Variants in INPP5B observed in about 807,000 individuals in gnomAD.
INPP5B encodes type II inositol 1,4,5-trisphosphate 5-phosphatase.
In INPP5B, 90 loss-of-function variants were observed where a neutral mutation model predicts 118.5. That is an observed-to-expected ratio of 0.76 (90% CI 0.64 to 0.90). The LOEUF (loss-of-function observed/expected upper bound fraction) is 0.90. INPP5B is among the 40% of genes least tolerant of loss of function. The pLI, the probability that INPP5B is intolerant of heterozygous loss-of-function variation, is 0.00. For missense variants in INPP5B, 984 were observed against 1,125.6 expected, an observed-to-expected ratio of 0.87 and a Z score of 1.80; for synonymous variants, 385 against 418.9, an observed-to-expected ratio of 0.92 and a Z score of 0.99.
chr1:37,901,671 C>T (rs1396293185), intron 7 of INPP5B, among the ~76,000 whole-genome samples: 5 of 152,176 alleles, frequency 3.3e-5, no homozygotes, highest in African/African-American at 1.2e-4. Flanking sequence ...TCACTCATTA[C>T]ACTACCTATG....
Position 37,873,011 on chromosome 1 carries a change from G to A in INPP5B, c.2106C>T (p.Ser702=), listed in dbSNP as rs1642557364. ...FLSVSGNYLP[S]CFGSPIHTLC... Reference sequence around the variant, plus strand: ...GTGTATGAATGGGAGACCCAAAACAGCTGGGCAGGTAGTTCCCAGACACAG... The same window carrying A: ...GTGTATGAATGGGAGACCCAAAACAACTGGGCAGGTAGTTCCCAGACACAG... The change falls in exon 19 of 24, where the codon AGC becomes AGT. Residue 702 remains serine, a synonymous_variant. Coordinates refer to ENST00000373024, the MANE Select transcript of INPP5B (RefSeq NM_005540.3). 6.2e-7 allele frequency: 1 copy of A among 1,614,142 alleles called. No individual in the cohort carries two copies. Among genetic ancestry groups the A allele is most frequent in the Non-Finnish European group, 8.5e-7 (1 of 1,180,018 alleles).
chr1:37,924,999 C>A (rs1645178196), intron 7 of INPP5B, among the ~76,000 whole-genome samples: 1 of 152,132 alleles, frequency 6.6e-6, no homozygotes, highest in African/African-American at 2.4e-5. Context: ...CATGTTGAAA[C>A]CCCGTCTTTA....
intron 6 of INPP5B, among the ~76,000 whole-genome samples, chr1:37,935,992 C>T (rs1446331049): frequency 3.3e-5 from 5 of 151,748 alleles, no homozygotes; most frequent in Admixed American, 6.6e-5. Flanking sequence ...CATGAACCTG[C>T]GAGGTGGAGC....
intron 22 of INPP5B, among the ~76,000 whole-genome samples, chr1:37,865,167 A>G (rs1398348472): frequency 6.6e-6 from 1 of 151,830 alleles, no homozygotes; most frequent in Non-Finnish European, 1.5e-5. Flanking sequence ...TGGGTGACAC[A>G]GCAAGACTCC....
Position 37,866,520 on chromosome 1 carries a change from G to A in INPP5B, c.2325C>T (p.Gly775=). The change falls in exon 21 of 24, where the codon GGC becomes GGT. Residue 775 remains glycine, a synonymous_variant. Coordinates refer to ENST00000373024, the MANE Select transcript of INPP5B (RefSeq NM_005540.3). ...TGATATGTTCAAATTCTGACCTCAG[G>A]CCTGGTTGCTGAAACAGATCTTCCT... ...VQQEDLFQQP[G]LRSEFEHIRD... is the part of the protein sequence containing the mutation. 6.2e-7 allele frequency: 1 copy of A among 1,608,884 alleles called. No individual in the cohort carries two copies. Among genetic ancestry groups the A allele is most frequent in the Non-Finnish European group, 8.5e-7 (1 of 1,175,512 alleles).
intron 16 of INPP5B, among the ~76,000 whole-genome samples, chr1:37,876,527 G>A (rs1318049028): frequency 7.9e-6 from 1 of 126,824 alleles, no homozygotes; most frequent in African/African-American, 3.0e-5. Context: ...ACCAGTCTGG[G>A]CAAGACAGCA....
chr1:37,895,150 A>T (rs1309472291), intron 7 of INPP5B, among the ~76,000 whole-genome samples: 9 of 152,208 alleles, frequency 5.9e-5, no homozygotes, highest in East Asian at 5.8e-4. Context: ...ACTGAAATTT[A>T]AAAAAAAGAA....
intron 7 of INPP5B, among the ~76,000 whole-genome samples, chr1:37,919,513 G>C (rs563989547): frequency 7.2e-5 from 11 of 152,134 alleles, no homozygotes; most frequent in Non-Finnish European, 1.3e-4. Context: ...CTAAGTCTGA[G>C]ACAGGGCCTT....
intron 6 of INPP5B, among the ~76,000 whole-genome samples, chr1:37,936,727 T>TG: frequency 6.6e-6 from 1 of 151,626 alleles, no homozygotes; most frequent in East Asian, 2.0e-4. Flanking sequence ...AGAACTTTTT[T>TG]TTTTTTTTTT....
chr1:37,886,827 G>A (rs1219678005), intron 12 of INPP5B, 61 bp downstream of exon 12: 6 of 1,165,356 alleles, frequency 5.1e-6, no homozygotes, highest in Non-Finnish European at 7.8e-6. Context: ...GTCATCAGAA[G>A]TGGTCAATAC....
At chr1:37,917,568 C>G (rs1471247085) in intron 7 of INPP5B, among the ~76,000 whole-genome samples, 1 of 151,654 alleles carries the variant, frequency 6.6e-6, no homozygotes, top group Non-Finnish European at 1.5e-5. Flanking sequence ...AAGCAATCAG[C>G]CTGCCTAGGC....
intron 7 of INPP5B, among the ~76,000 whole-genome samples, chr1:37,898,256 C>A (rs1054040052): frequency 1.3e-5 from 2 of 152,064 alleles, no homozygotes; most frequent in African/African-American, 4.8e-5. Context: ...TCAATGGTTG[C>A]CAGGGGTTTT....
chr1:37,900,193 T>C (rs550097733), intron 7 of INPP5B, among the ~76,000 whole-genome samples: 1 of 151,092 alleles, frequency 6.6e-6, no homozygotes, highest in East Asian at 1.9e-4. Context: ...GCAATTCTCG[T>C]GCTTCAGCCT....
intron 12 of INPP5B, among the ~76,000 whole-genome samples, chr1:37,886,528 C>T (rs1170980605): frequency 2.0e-5 from 3 of 152,156 alleles, no homozygotes; most frequent in African/African-American, 7.2e-5. Flanking sequence ...AACCTAAAAA[C>T]AGAACTTTAA....
chr1:37,931,642 C>T lies in INPP5B; in HGVS notation c.532+271G>A, dbSNP rs1030410861. On this transcript the variant is annotated intron_variant, in intron 7 of 23. Coordinates refer to ENST00000373024, the MANE Select transcript of INPP5B (RefSeq NM_005540.3). ...GCGCACCGCCGCCCCCGGCCCAGCTCCCCAGCCCAGCTTCCCGCCGCCCGC... is the reference window on the plus strand; with the variant it reads ...GCGCACCGCCGCCCCCGGCCCAGCTTCCCAGCCCAGCTTCCCGCCGCCCGC... 3.9e-6 allele frequency: 6 copies of T among 1,534,752 alleles called. No individual in the cohort carries two copies. In the African/African-American group the frequency reaches 5.5e-5, roughly 14 times the overall value.
At chr1:37,883,992 G>A in intron 13 of INPP5B, 1 of 322,962 alleles carries the variant, frequency 3.1e-6, no homozygotes, top group Non-Finnish European at 4.5e-6. Flanking sequence ...ATGAGCACAA[G>A]ATGCTCTCAG....
In INPP5B at chr1:37,915,917, T is replaced by C. The variant is rs971814948; in HGVS notation, c.532+15996A>G. Reference sequence around the variant, plus strand: ...AACAGTGTCTGCCTCATACAATTGCTGTCTTCTTTTCCCATAGTTAACTTG... The same window carrying C: ...AACAGTGTCTGCCTCATACAATTGCCGTCTTCTTTTCCCATAGTTAACTTG... On this transcript the variant is annotated intron_variant, in intron 7 of 23. Coordinates refer to ENST00000373024, the MANE Select transcript of INPP5B (RefSeq NM_005540.3). 2.0e-5 allele frequency among the ~76,000 whole-genome samples: 3 copies of C among 152,240 alleles called. 1 individual carries two copies. Among genetic ancestry groups the C allele is most frequent in the Non-Finnish European group, 4.4e-5 (3 of 68,044 alleles).
Position 37,882,809 on chromosome 1 carries a change from G to C in INPP5B, c.1429C>G (p.Gln477Glu). 1 of 1,608,658 alleles carries C rather than the reference G, an allele frequency of 6.2e-7. No individual in the cohort carries two copies. The highest frequency in any genetic ancestry group is 8.5e-7 in the Non-Finnish European group (1 of 1,174,990). Residue 477 changes from glutamine (Q) to glutamate (E), a missense_variant and splice_region_variant, in exon 14 of 24, where the codon CAG (glutamine) becomes GAG (glutamate). Transcript: ENST00000373024. ...AGGGCACAGGTGGCCATCTGTACCTGATCATATGCATACAGCATTTGAAAG... is the reference window on the plus strand; with the variant it reads ...AGGGCACAGGTGGCCATCTGTACCTCATCATATGCATACAGCATTTGAAAG... ...KDFQMLYAYD[Q>E]LKIQVAAKTV...
intron 7 of INPP5B, among the ~76,000 whole-genome samples, chr1:37,928,236 C>T (rs1210101290): frequency 2.0e-5 from 3 of 152,056 alleles, no homozygotes; most frequent in African/African-American, 2.4e-5. Flanking sequence ...TGCAATGCCG[C>T]GATCTCAGCT....
Sources: allele counts gnomAD v4.1 joint callset (sites outside exome capture counted in the v4.1 genomes callset), GRCh38; gene constraint gnomAD v4.1.1; transcripts MANE v1.5; gene names NCBI Gene and HGNC (gene_info 2026-07-23, HGNC 2026-07-21).